ZNRF2: variants seen among roughly 807,000 people sequenced by gnomAD.
ZNRF2 encodes the protein E3 ubiquitin-protein ligase ZNRF2.
A neutral mutation model predicts 20.4 loss-of-function variants in ZNRF2; 16 were observed. The observed-to-expected ratio is 0.79, with a 90% CI of 0.53 to 1.19. ZNRF2 has a LOEUF of 1.19. Among genes scored for constraint, ZNRF2 ranks in the 50% most tolerant of loss-of-function variants. The pLI is 0.00. For synonymous variants in ZNRF2, 178 were observed against 144.9 expected (o/e 1.23, Z -1.64); for missense variants, 363 against 332.4 (o/e 1.09, Z -0.72).
chr7:30,327,952 T>C (rs889093996), intron 2 of ZNRF2, among the ~76,000 whole-genome samples: 3 of 152,198 alleles, frequency 2.0e-5, no homozygotes, highest in Admixed American at 6.5e-5. Context: ...TACAGCTTCT[T>C]AATAAAAACC....
intron 1 of ZNRF2, among the ~76,000 whole-genome samples, chr7:30,314,321 C>T (rs1799333361): frequency 6.6e-6 from 1 of 152,142 alleles, no homozygotes; most frequent in African/African-American, 2.4e-5. Flanking sequence ...CGTAACATTA[C>T]ATTACATAAC....
chr7:30,299,672 T>C (rs1449168585), intron 1 of ZNRF2, among the ~76,000 whole-genome samples: 1 of 152,132 alleles, frequency 6.6e-6, no homozygotes, highest in Non-Finnish European at 1.5e-5. Context: ...TTCATTTACA[T>C]ACTTTTAAGT....
At chr7:30,325,142 C>T (rs1799533526) in intron 2 of ZNRF2, among the ~76,000 whole-genome samples, 1 of 152,036 alleles carries the variant, frequency 6.6e-6, no homozygotes, top group Admixed American at 6.6e-5. Context: ...GGGGAAAAAT[C>T]AAGTAGTTCT....
intron 1 of ZNRF2, among the ~76,000 whole-genome samples, chr7:30,312,067 T>G (rs1340036804): frequency 6.6e-6 from 1 of 152,182 alleles, no homozygotes; most frequent in Non-Finnish European, 1.5e-5. Flanking sequence ...GTACATTTTA[T>G]ATTTGCTCAA....
At chr7:30,320,594 A>C (rs1442091659) in intron 1 of ZNRF2, among the ~76,000 whole-genome samples, 1 of 152,116 alleles carries the variant, frequency 6.6e-6, no homozygotes, top group Non-Finnish European at 1.5e-5. Context: ...GGTGGTGCTG[A>C]GCCAAATATC....
At chr7:30,300,108 T>C (rs1258396531) in intron 1 of ZNRF2, among the ~76,000 whole-genome samples, 1 of 150,428 alleles carries the variant, frequency 6.6e-6, no homozygotes, top group Non-Finnish European at 1.5e-5. Context: ...CCATAACATA[T>C]ATTTAGAGGA....
intron 1 of ZNRF2, among the ~76,000 whole-genome samples, chr7:30,290,223 A>G (rs1798876835): frequency 6.6e-6 from 1 of 152,250 alleles, no homozygotes; most frequent in Non-Finnish European, 1.5e-5. Flanking sequence ...TGGACAAAAC[A>G]TAGGCCTTTT....
chr7:30,341,266 G>A (rs1319006900), intron 2 of ZNRF2, among the ~76,000 whole-genome samples: 1 of 151,650 alleles, frequency 6.6e-6, no homozygotes, highest in Non-Finnish European at 1.5e-5. Flanking sequence ...TTTATTTATT[G>A]TCTTCTGCTA....
chr7:30,341,829 C>G (rs1336679273), intron 2 of ZNRF2, among the ~76,000 whole-genome samples: 1 of 152,072 alleles, frequency 6.6e-6, no homozygotes, highest in Non-Finnish European at 1.5e-5. Flanking sequence ...GTGTTAAAAT[C>G]TCCCACTATT....
intron 1 of ZNRF2, among the ~76,000 whole-genome samples, chr7:30,301,407 C>G (rs1190430330): frequency 1.3e-5 from 2 of 152,080 alleles, no homozygotes; most frequent in East Asian, 3.9e-4. Flanking sequence ...CGCTTAAACC[C>G]GGGTGGTGGA....
At chr7:30,356,468 C>A (rs546772711) in intron 3 of ZNRF2, among the ~76,000 whole-genome samples, 4 of 151,974 alleles carry the variant, frequency 2.6e-5, no homozygotes, top group Non-Finnish European at 4.4e-5. Flanking sequence ...TAGAACAAAC[C>A]CACTGGTTGA....
intron 1 of ZNRF2, among the ~76,000 whole-genome samples, chr7:30,314,879 C>T (rs1010682901): frequency 4.8e-4 from 72 of 151,568 alleles, no homozygotes; most frequent in Admixed American, 2.0e-3. Context: ...TGCAGTGACA[C>T]AAACTTGGCT....
chr7:30,297,734 A>ATT (rs57677188), intron 1 of ZNRF2, among the ~76,000 whole-genome samples: 29 of 140,680 alleles, frequency 2.1e-4, no homozygotes, highest in Non-Finnish European at 4.0e-4. Context: ...GCTTTCTGTG[A>ATT]TTTTTTTTTT....
At chr7:30,287,511 G>T (rs1429341618) in intron 1 of ZNRF2, among the ~76,000 whole-genome samples, 4 of 152,258 alleles carry the variant, frequency 2.6e-5, no homozygotes, top group African/African-American at 9.6e-5. Context: ...TAGTTCTGTG[G>T]GTTTATTTTG....
intron 2 of ZNRF2, among the ~76,000 whole-genome samples, chr7:30,354,201 A>G (rs1800001843): frequency 6.6e-6 from 1 of 152,046 alleles, no homozygotes; most frequent in African/African-American, 2.4e-5. Flanking sequence ...GGGAAGTGGT[A>G]ATAACATTTT....
At chr7:30,285,962 T>C (rs1583559456) in intron 1 of ZNRF2, 136 bp downstream of exon 1, 21 of 1,319,432 alleles carry the variant, frequency 1.6e-5, no homozygotes, top group Non-Finnish European at 1.9e-5. Context: ...CCAGCCCGCG[T>C]CGGTCTCCAT....
intron 2 of ZNRF2, among the ~76,000 whole-genome samples, chr7:30,333,227 T>C (rs997133204): frequency 1.3e-5 from 2 of 151,886 alleles, no homozygotes; most frequent in East Asian, 1.9e-4. Flanking sequence ...CTAATTTTTG[T>C]AGTTTTAGTA....
chr7:30,289,802 T>G (rs1160465157), intron 1 of ZNRF2: 3 of 534,386 alleles, frequency 5.6e-6, no homozygotes, highest in Non-Finnish European at 1.2e-5. Context: ...TTTGATGCTT[T>G]GCTGGCTGGT....
intron 1 of ZNRF2, among the ~76,000 whole-genome samples, chr7:30,322,177 C>A (rs1250102288): frequency 6.6e-6 from 1 of 151,980 alleles, no homozygotes; most frequent in African/African-American, 2.4e-5. Flanking sequence ...AGTAAACATA[C>A]CTTTATTCCT....
Sources: gnomAD v4.1 joint callset for allele counts (sites outside exome capture counted in the v4.1 genomes callset) on GRCh38, gnomAD v4.1.1 for gene constraint, MANE v1.5 for transcripts, NCBI Gene and HGNC (gene_info 2026-07-23, HGNC 2026-07-21) for gene names.